The following PYHIN1 variants were observed in gnomAD, a reference collection of about 807,000 sequenced individuals.
PYHIN1 encodes the protein pyrin and HIN domain-containing protein 1.
Under a neutral mutation model 43.7 loss-of-function variants are expected in PYHIN1, and 32 were observed. The observed-to-expected ratio is 0.73, with a 90% confidence interval of 0.55 to 0.98. The LOEUF is 0.98. Among genes scored for constraint, PYHIN1 ranks in the 50% least tolerant of loss-of-function variants. The pLI is 0.00. For synonymous variants in PYHIN1, 205 were observed against 203.1 expected, an observed-to-expected ratio of 1.01 and a Z score of -0.08; for missense variants, 588 against 589.5, an observed-to-expected ratio of 1.00 and a Z score of 0.03.
In PYHIN1 at chr1:158,939,572, T is replaced by A. The variant is rs1202431127; in HGVS notation, c.579+325T>A. On this transcript the variant is annotated intron_variant, in intron 4 of 8. Coordinates refer to ENST00000368140, the MANE Select transcript of PYHIN1 (RefSeq NM_152501.5). The stretch of plus-strand genomic sequence containing the variant: ...CCCTTTGCTCACTAATTTGTTCAAG[T>A]TTCTCTGACATACACCATGCTCCTT... 6 of 1,485,480 alleles carry A rather than the reference T, an allele frequency of 4.0e-6. No homozygotes were observed. In the East Asian group the frequency reaches 1.5e-4, roughly 37 times the overall value. The allele number at this position is 1,485,480 out of a possible 1,614,324, so 92.0% of individuals were successfully genotyped here. A position where few individuals can be genotyped will look rare whatever the true frequency, so the allele number is the denominator to read the frequency against.
intron 7 of PYHIN1, among the ~76,000 whole-genome samples, chr1:158,973,023 C>T (rs1346695643): frequency 6.6e-6 from 1 of 152,034 alleles, no homozygotes; most frequent in Non-Finnish European, 1.5e-5. Flanking sequence ...TGTGTAGTCA[C>T]CTGCCTCTGT....
chr1:158,961,239 C>T (rs1650302084), intron 7 of PYHIN1, among the ~76,000 whole-genome samples: 1 of 151,882 alleles, frequency 6.6e-6, no homozygotes, highest in African/African-American at 2.4e-5. Flanking sequence ...AAAAATATTC[C>T]CCAAGTTCAC....
chr1:158,981,414 T>A (rs1651478964), downstream of PYHIN1, among the ~76,000 whole-genome samples: 1 of 152,114 alleles, frequency 6.6e-6, no homozygotes, highest in Non-Finnish European at 1.5e-5. Flanking sequence ...GTGGTTGCAG[T>A]AAGCCAAGAT....
At chr1:158,937,880 G>A (rs1345531467) in intron 2 of PYHIN1, among the ~76,000 whole-genome samples, 1 of 151,634 alleles carries the variant, frequency 6.6e-6, no homozygotes, top group Non-Finnish European at 1.5e-5. Context: ...GAGAGGCGGA[G>A]CTGGCAGTGA....
At chr1:158,972,824 A>C (rs961071654) in intron 7 of PYHIN1, among the ~76,000 whole-genome samples, 5 of 152,064 alleles carry the variant, frequency 3.3e-5, no homozygotes, top group Non-Finnish European at 5.9e-5. Context: ...TGTGTCCTTC[A>C]CATGTCCATT....
chr1:158,975,277 C>G (rs553663502), intron 8 of PYHIN1, among the ~76,000 whole-genome samples: 1 of 152,064 alleles, frequency 6.6e-6, no homozygotes, highest in Admixed American at 6.6e-5. Flanking sequence ...TTTTTCTATG[C>G]TTTTGGATTT....
At chr1:158,938,231 T>C (rs1033461404) in intron 2 of PYHIN1, among the ~76,000 whole-genome samples, 166 bp from the exon 3 acceptor site, 23 of 152,176 alleles carry the variant, frequency 1.5e-4, no homozygotes, top group Non-Finnish European at 2.9e-4. Flanking sequence ...GTGCCTTTGT[T>C]TCTCCTGCTG....
intron 8 of PYHIN1, among the ~76,000 whole-genome samples, chr1:158,975,891 G>A (rs754831566): frequency 1.3e-5 from 2 of 152,104 alleles, no homozygotes; most frequent in Non-Finnish European, 2.9e-5. Flanking sequence ...TATGCAGAAT[G>A]ACTCAGACTA....
intron 7 of PYHIN1, among the ~76,000 whole-genome samples, chr1:158,971,693 T>C (rs563530164): frequency 6.6e-6 from 1 of 152,024 alleles, no homozygotes. Flanking sequence ...ATGGCTTTCA[T>C]CCATTTGGCT....
chr1:158,952,172 C>T (rs2101682271), intron 7 of PYHIN1, among the ~76,000 whole-genome samples: 1 of 145,900 alleles, frequency 6.9e-6, no homozygotes, highest in Admixed American at 7.0e-5. Context: ...GACCTTTCTG[C>T]AAGTGCCTCC....
At chr1:158,958,829 A>C (rs984581808) in intron 7 of PYHIN1, among the ~76,000 whole-genome samples, 1 of 150,240 alleles carries the variant, frequency 6.7e-6, no homozygotes, top group African/African-American at 2.5e-5. Context: ...CCAGAGCTCT[A>C]CATCTAGCAT....
At chr1:158,934,883 C>T (rs1287205780) in intron 1 of PYHIN1, among the ~76,000 whole-genome samples, 2 of 152,248 alleles carry the variant, frequency 1.3e-5, no homozygotes, top group East Asian at 1.9e-4. Context: ...GCACCCACCA[C>T]CATGCCTGGC....
intron 7 of PYHIN1, among the ~76,000 whole-genome samples, chr1:158,959,844 A>C (rs1415704256): frequency 6.6e-6 from 1 of 152,208 alleles, no homozygotes; most frequent in Non-Finnish European, 1.5e-5. Flanking sequence ...CAAGAGGGGA[A>C]AGGTCAGTTC....
chr1:158,932,570 C>T (rs749220984), intron 1 of PYHIN1, among the ~76,000 whole-genome samples: 3 of 152,100 alleles, frequency 2.0e-5, no homozygotes, highest in Non-Finnish European at 4.4e-5. Flanking sequence ...CTCAATTTTA[C>T]AAAACATGTT....
intron 2 of PYHIN1, among the ~76,000 whole-genome samples, chr1:158,937,737 G>A (rs1648642960): frequency 6.6e-6 from 1 of 152,058 alleles, no homozygotes; most frequent in Admixed American, 6.5e-5. Flanking sequence ...ACGAGGTCAG[G>A]AGATCGAGAC....
chr1:158,933,629 A>G lies in PYHIN1; in HGVS notation c.-21+1853A>G, dbSNP rs1313547408. The stretch of plus-strand genomic sequence containing the variant: ...CTCTTTATGTATAGGCTAATAATTA[A>G]CATATTTTGGCCTGCTTCTGCTATC... On this transcript the variant is annotated intron_variant, in intron 1 of 8. Coordinates refer to ENST00000368140, the MANE Select transcript of PYHIN1 (RefSeq NM_152501.5). The surrounding 1 kb of genome is among the most constrained non-coding windows in gnomAD (Gnocchi z 6.3). 6.6e-6 allele frequency among the ~76,000 whole-genome samples: 1 copy of G among 152,096 alleles called. No individual in the cohort carries two copies. The highest frequency in any genetic ancestry group is 2.4e-5 in the African/African-American group (1 of 41,450).
intron 7 of PYHIN1, among the ~76,000 whole-genome samples, chr1:158,965,689 A>G (rs528307160): frequency 1.3e-5 from 2 of 152,198 alleles, no homozygotes; most frequent in African/African-American, 4.8e-5. Flanking sequence ...TTTGAAACTA[A>G]TGAGAACAAA....
At chr1:158,986,747 G>T in the PYHIN1 span, among the ~76,000 whole-genome samples, 1 of 152,140 alleles carries the variant, frequency 6.6e-6, no homozygotes, top group African/African-American at 2.4e-5. Flanking sequence ...AAGACTTAAG[G>T]GATGGGCGTC....
In PYHIN1 at chr1:158,942,494, A is replaced by G. The variant is rs1204627453; in HGVS notation, c.1002+95A>G. 2.0e-5 allele frequency: 20 copies of G among 990,424 alleles called. No individual in the cohort carries two copies. In the East Asian group the frequency reaches 4.7e-4, roughly 23 times the overall value. The allele number at this position is 990,424 out of a possible 1,614,324, so 61.4% of individuals were successfully genotyped here. A position where few individuals can be genotyped will look rare whatever the true frequency, so the allele number is the denominator to read the frequency against. ...AATGGAAGTTTGCATATTACTTAAC[A>G]TTAAAACTCAGGACTCTCTCAAAAC... On this transcript the variant is annotated intron_variant, in intron 5 of 8. Transcript: ENST00000368140.
Sources: gnomAD v4.1 joint callset for allele counts (sites outside exome capture counted in the v4.1 genomes callset) on GRCh38, gnomAD v4.1.1 for gene constraint, Gnocchi (gnomAD v3.1) non-coding constraint, MANE v1.5 for transcripts, NCBI Gene and HGNC (gene_info 2026-07-23, HGNC 2026-07-21) for gene names.